Variants in CFAP54 observed in about 807,000 individuals in gnomAD.
CFAP54 encodes the protein cilia- and flagella-associated protein 54.
Under a neutral mutation model 370.4 loss-of-function variants are expected in CFAP54, and 290 were observed. The observed-to-expected ratio is 0.78, with a 90% CI of 0.71 to 0.86. The LOEUF (loss-of-function observed/expected upper bound fraction) is 0.86, where lower values mean the gene tolerates loss of function less well. Among genes scored for constraint, CFAP54 ranks in the 40% least tolerant of loss-of-function variants. The pLI is 0.00. For synonymous variants in CFAP54, 1,206 were observed against 1,236.5 expected, an observed-to-expected ratio of 0.98 and a Z score of 0.52; for missense variants, 3,399 against 3,528.7, an observed-to-expected ratio of 0.96 and a Z score of 0.93.
chr12:96,492,668 A>G (rs527704562), intron 1 of CFAP54, among the ~76,000 whole-genome samples: 5 of 152,346 alleles, frequency 3.3e-5, no homozygotes, highest in Admixed American at 3.3e-4. Flanking sequence ...ATAAACATTC[A>G]ATAAATATTT....
chr12:96,678,313 C>T (rs1334091621), intron 39 of CFAP54, among the ~76,000 whole-genome samples: 3 of 152,098 alleles, frequency 2.0e-5, no homozygotes, highest in South Asian at 4.1e-4. Flanking sequence ...TGCAGTGGCG[C>T]AATCTTGGTT....
chr12:96,656,196 A>C (rs1227197810), intron 36 of CFAP54, among the ~76,000 whole-genome samples: 1 of 152,200 alleles, frequency 6.6e-6, no homozygotes, highest in African/African-American at 2.4e-5. Flanking sequence ...CAGAAACCTC[A>C]ATCTCCATAT....
chr12:96,784,556 T>G lies in CFAP54; in HGVS notation c.8282-161T>G, dbSNP rs377488969. ...CTCAGTCTGTGGTTGGTCTTTTAAC[T>G]TGGTGTTTGGTGTCTGCATGATACA... On this transcript the variant is annotated intron_variant, in intron 60 of 67. Transcript: ENST00000524981. Among the ~76,000 whole-genome samples the G allele has an allele frequency of 6.2e-4, 94 of 152,294 alleles. 1 individual carries two copies. In the East Asian group the frequency reaches 8.1e-3, roughly 13 times the overall value.
intron 66 of CFAP54, among the ~76,000 whole-genome samples, chr12:96,857,709 G>T (rs756659084): frequency 1.3e-5 from 2 of 152,134 alleles, no homozygotes; most frequent in Admixed American, 6.5e-5. Context: ...GTTCTCATGA[G>T]ATCTGATAGT....
chr12:96,645,301 A>T (rs980334482), intron 33 of CFAP54: 3 of 356,590 alleles, frequency 8.4e-6, no homozygotes, highest in Admixed American at 6.5e-5. Flanking sequence ...CTTATACACC[A>T]ATAACAGACA....
chr12:96,644,497 C>A (rs916844060), intron 33 of CFAP54, 89 bp downstream of exon 33: 1 of 937,894 alleles, frequency 1.1e-6, no homozygotes, highest in Non-Finnish European at 1.6e-6. Flanking sequence ...GTGCTAACAA[C>A]TTAAGGAGGT....
chr12:96,745,326 C>T (rs1958101965), intron 55 of CFAP54, among the ~76,000 whole-genome samples: 1 of 152,182 alleles, frequency 6.6e-6, no homozygotes, highest in Non-Finnish European at 1.5e-5. Context: ...ATTCCTTTTT[C>T]TCTGCAACCT....
At chr12:96,752,397 G>A (rs1766884586) in intron 55 of CFAP54, among the ~76,000 whole-genome samples, 1 of 152,166 alleles carries the variant, frequency 6.6e-6, no homozygotes, top group African/African-American at 2.4e-5. Context: ...TTGGAGGCAT[G>A]TGGGGACTTG....
At chr12:96,841,777 G>A (rs180971482) in intron 66 of CFAP54, among the ~76,000 whole-genome samples, 7 of 152,302 alleles carry the variant, frequency 4.6e-5, no homozygotes, top group African/African-American at 1.7e-4. Flanking sequence ...TAGATTCGTC[G>A]AAGGTCTCTG....
At chr12:96,669,883 G>C (rs1458979701) in intron 39 of CFAP54, among the ~76,000 whole-genome samples, 1 of 152,196 alleles carries the variant, frequency 6.6e-6, no homozygotes, top group African/African-American at 2.4e-5. Flanking sequence ...CACCCAGGGA[G>C]AGTTACATGG....
intron 66 of CFAP54, among the ~76,000 whole-genome samples, chr12:96,830,366 T>G (rs1592793679): frequency 6.6e-6 from 1 of 152,250 alleles, no homozygotes; most frequent in East Asian, 1.9e-4. Context: ...AGACTTTTTA[T>G]TTTCTGTTTG....
chr12:96,491,620 C>T (rs1367758545), intron 1 of CFAP54, among the ~76,000 whole-genome samples: 1 of 151,974 alleles, frequency 6.6e-6, no homozygotes, highest in Non-Finnish European at 1.5e-5. Context: ...CCATTAAGTG[C>T]CTGGTGTACT....
At chr12:96,537,241 T>C (rs942818933) in intron 12 of CFAP54, among the ~76,000 whole-genome samples, 2 of 152,134 alleles carry the variant, frequency 1.3e-5, no homozygotes, top group African/African-American at 4.8e-5. Context: ...TGACACCCAG[T>C]GTGAGGTTCT....
intron 61 of CFAP54, 78 bp downstream of exon 61, chr12:96,784,968 T>A (rs1426137814): frequency 8.5e-7 from 1 of 1,169,956 alleles, no homozygotes; most frequent in African/African-American, 1.6e-5. Context: ...TTGAGAATTA[T>A]AAGATACTTT....
chr12:96,666,086 TA>T (rs1445526057), intron 39 of CFAP54, among the ~76,000 whole-genome samples: 1 of 152,212 alleles, frequency 6.6e-6, no homozygotes, highest in East Asian at 1.9e-4. Flanking sequence ...AATGCATTTT[TA>T]AAAAGTTCAA....
At chr12:96,836,564 A>G (rs894049954) in intron 66 of CFAP54, among the ~76,000 whole-genome samples, 6 of 152,202 alleles carry the variant, frequency 3.9e-5, no homozygotes, top group African/African-American at 1.4e-4. Context: ...AGCAGCTAAG[A>G]ATCTATGCTG....
intron 4 of CFAP54, among the ~76,000 whole-genome samples, chr12:96,510,627 A>T (rs906060215): frequency 1.8e-4 from 28 of 151,908 alleles, no homozygotes; most frequent in Non-Finnish European, 3.5e-4. Flanking sequence ...TTACTTGGTG[A>T]CTATTTTTTT....
At chr12:96,619,955 C>A (rs1043483413) in intron 26 of CFAP54, among the ~76,000 whole-genome samples, 3 of 152,136 alleles carry the variant, frequency 2.0e-5, no homozygotes, top group Admixed American at 1.3e-4. Flanking sequence ...CCTATAATCC[C>A]AGGCATGGGA....
At chr12:96,596,727 A>G (rs569839805) in intron 25 of CFAP54, among the ~76,000 whole-genome samples, 2 of 152,216 alleles carry the variant, frequency 1.3e-5, no homozygotes, top group Admixed American at 1.3e-4. Flanking sequence ...AAAAAGGACT[A>G]TAACAAAGAT....
Sources: gnomAD v4.1 joint callset for allele counts (sites outside exome capture counted in the v4.1 genomes callset) on GRCh38, gnomAD v4.1.1 for gene constraint, MANE v1.5 for transcripts, NCBI Gene and HGNC (gene_info 2026-07-23, HGNC 2026-07-21) for gene names.